The following GGN variants were observed in gnomAD, a reference collection of about 807,000 sequenced individuals.
GGN encodes gametogenetin.
GGN carries 27 observed loss-of-function variants against 35.5 expected under a neutral mutation model. The observed-to-expected ratio is 0.76, with a 90% CI of 0.56 to 1.05. The LOEUF is 1.05. Ranked by LOEUF, GGN falls within the 50% of genes least tolerant of loss-of-function variation. The pLI, the probability that GGN is intolerant of heterozygous loss-of-function variation, is 0.00. For synonymous variants in GGN, 425 were observed against 444.1 expected, an observed-to-expected ratio of 0.96 and a Z score of 0.54; for missense variants, 1,006 against 940.7, an observed-to-expected ratio of 1.07 and a Z score of -0.91.
rs776710394 is a variant in GGN, at chr19:38,385,507, G to A, written c.1755C>T (p.Pro585=). The A allele has an allele frequency of 3.7e-6, 6 of 1,614,114 alleles. No individual in the cohort carries two copies. Among genetic ancestry groups the A allele is most frequent in the Admixed American group, 3.3e-5 (2 of 60,022 alleles). ...ANTRAARHWL[P]FQVLNSCPCK... ...AGGGACAGGAGTTAAGCACCTGGAA[G>A]GGCAGCCAGTGGCGCGCAGCGCGGG... Residue 585 remains proline, a synonymous_variant, in exon 3 of 4, where the codon CCC becomes CCT. Coordinates refer to ENST00000334928, the MANE Select transcript of GGN (RefSeq NM_152657.4).
At position 38,386,740 on chromosome 19, in the gene GGN, T is replaced by G; in HGVS notation, c.522A>C (p.Pro174=). The change falls in exon 3 of 4, where the codon CCA becomes CCC. Residue 174 remains proline, a synonymous_variant. Transcript: ENST00000334928. ...GCTGCCGTTCAGAAGGTAATGGTGG[T>G]GGCGGCTTCCAAGTCTCCAGGGGCG... ...FPPPLETWKP[P]PPLPSERQPA... 1 of 1,609,146 alleles carries G rather than the reference T, an allele frequency of 6.2e-7. No homozygotes were observed. The highest frequency in any genetic ancestry group is 8.5e-7 in the Non-Finnish European group (1 of 1,176,730).
In GGN at chr19:38,387,341, C is replaced by G. The variant is rs567607546; in HGVS notation, c.-19-61G>C. ...GGCCGTGGGGACCCTACGAGGCTGG[C>G]TGTACTTGATCTAATGCGTCCGCAC... On this transcript the variant is annotated intron_variant, in intron 2 of 3. Coordinates refer to ENST00000334928, the MANE Select transcript of GGN (RefSeq NM_152657.4). This position sits in a 1 kb window ranked among gnomAD's most constrained non-coding sequence, Gnocchi z 5.3. The G allele has an allele frequency of 1.4e-5, 21 of 1,479,316 alleles. No individual in the cohort carries two copies. The African/African-American group carries it at 2.8e-4, about 20-fold the overall frequency. 91.6% of individuals were successfully genotyped at this position (1,479,316 alleles called of 1,614,324 possible).
In GGN at chr19:38,384,534, T is replaced by G. The variant is rs1970678490; in HGVS notation, c.1842-5A>C. 1 of 1,611,282 alleles carries G rather than the reference T, an allele frequency of 6.2e-7. No homozygotes were observed. On this transcript the variant is annotated splice_region_variant and splice_polypyrimidine_tract_variant and intron_variant, in intron 3 of 3. Coordinates refer to ENST00000334928, the MANE Select transcript of GGN (RefSeq NM_152657.4). ...TGGTTGGTGGATGTGCTCAGCCTAG[T>G]GGGGGAGGGTAGAGTCAGCAAAGCC...
chr19:38,385,528 G>T lies in GGN; in HGVS notation c.1734C>A (p.Arg578=), dbSNP rs145112886. The change falls in exon 3 of 4, where the codon CGC becomes CGA. Residue 578 remains arginine (R), a synonymous_variant. Coordinates refer to ENST00000334928, the MANE Select transcript of GGN (RefSeq NM_152657.4). ...GASQTGAANT[R]AARHWLPFQV... is the part of the protein sequence containing the mutation. ...GGAAGGGCAGCCAGTGGCGCGCAGC[G>T]CGGGTGTTAGCTGCCCCAGTCTGAG... 7 of 1,613,982 alleles carry T rather than the reference G, an allele frequency of 4.3e-6. No individual in the cohort carries two copies. In the African/African-American group the frequency reaches 8.0e-5, roughly 18 times the overall value.
In GGN at chr19:38,386,845, G is replaced by A. The variant is rs549095579; in HGVS notation, c.417C>T (p.Leu139=). 3.7e-6 allele frequency: 6 copies of A among 1,603,166 alleles called. No individual in the cohort carries two copies. The highest frequency in any genetic ancestry group is 1.3e-5 in the African/African-American group (1 of 74,756). Residue 139 remains leucine, a synonymous_variant, in exon 3 of 4, where the codon CTC becomes CTT. Coordinates refer to ENST00000334928, the MANE Select transcript of GGN (RefSeq NM_152657.4). ...GCGGCGGCGGCGGCTTCAGCGGGCG[G>A]AGGCTCGGAGGGTCGCCCTGGCCGC... ...SHRGQGDPPS[L]RPLKPPPPPR...
rs765961742 is a variant in GGN at position 38,386,551 on chromosome 19, G to C, written c.711C>G (p.Ser237=). 6.2e-7 allele frequency: 1 copy of C among 1,613,406 alleles called. No individual in the cohort carries two copies. The highest frequency in any genetic ancestry group is 1.7e-5 in the Admixed American group (1 of 60,008). Residue 237 remains serine, a synonymous_variant, in exon 3 of 4, where the codon TCC becomes TCG. Transcript: ENST00000334928. The stretch of plus-strand genomic sequence containing the variant: ...TGATTTTACACAGCAGGCTCAGACC[G>C]GACTCGGAATCCGCAGGCTGGGCCA... ...GEMAQPADSE[S]GLSLLCKITF...
rs748914336 is a variant in GGN at position 38,386,898 on chromosome 19, T to A, written c.364A>T (p.Ile122Phe). 4 of 1,566,024 alleles carry A rather than the reference T, an allele frequency of 2.6e-6. No individual in the cohort carries two copies. The South Asian group carries it at 3.5e-5, about 14-fold the overall frequency. The change falls in exon 3 of 4, where the codon ATC becomes TTC. Residue 122 changes from isoleucine to phenylalanine, a missense_variant. Transcript: ENST00000334928. ...QKPAGTPVPR[I>F]RRLLEASHRG... is the part of the protein sequence containing the mutation. ...TGGCTCGCCTCCAGCAGGCGGCGGA[T>A]CCGGGGAACTGGAGTGCCCGCGGGC...
chr19:38,385,971 G>A lies in GGN; in HGVS notation c.1291C>T (p.Pro431Ser), dbSNP rs375331880. Reference sequence around the variant, plus strand: ...GGTGGTAACTCCTGCAGGCCTGGAGGCCCCGGGCGCATGGGCTCGCCATTG... The same window carrying A: ...GGTGGTAACTCCTGCAGGCCTGGAGACCCCGGGCGCATGGGCTCGCCATTG... ...PTNGEPMRPG[P>S]PGLQELPPLP... Residue 431 changes from proline (P) to serine (S), a missense_variant, in exon 3 of 4, where the codon CCT becomes TCT. Coordinates refer to ENST00000334928, the MANE Select transcript of GGN (RefSeq NM_152657.4). 1.2e-5 allele frequency: 19 copies of A among 1,604,294 alleles called. No individual in the cohort carries two copies. Among genetic ancestry groups the A allele is most frequent in the Middle Eastern group, 1.7e-4 (1 of 5,838 alleles).
In GGN at chr19:38,386,713, C is replaced by A. The variant is rs754057591; in HGVS notation, c.549G>T (p.Pro183=). 1.2e-6 allele frequency: 2 copies of A among 1,606,130 alleles called. No homozygotes were observed. Among genetic ancestry groups the A allele is most frequent in the South Asian group, 1.1e-5 (1 of 90,528 alleles). Residue 183 remains proline (P), a synonymous_variant, in exon 3 of 4, where the codon CCG becomes CCT. Coordinates refer to ENST00000334928, the MANE Select transcript of GGN (RefSeq NM_152657.4). ...PPPPLPSERQ[P]ADRRITPALA... is the part of the protein sequence containing the mutation. ...GAGCAGGAGTGATTCTGCGGTCCGC[C>A]GGCTGCCGTTCAGAAGGTAATGGTG...
At chr19:38,384,558 C>A (rs1433767466) in intron 3 of GGN, 29 bp from the exon 4 acceptor site, 1 of 1,546,994 alleles carries the variant, frequency 6.5e-7, no homozygotes. Context: ...GTCAGCAAAG[C>A]CCAGCAATGG....
chr19:38,385,546 A>C lies in GGN; in HGVS notation c.1716T>G (p.Thr572=). The stretch of plus-strand genomic sequence containing the variant: ...GCGCAGCGCGGGTGTTAGCTGCCCC[A>C]GTCTGAGAGGCCCCGCTGCCACCAC... ...GGGGGSGASQ[T]GAANTRAARH... is the part of the protein sequence containing the mutation. The change falls in exon 3 of 4, where the codon ACT becomes ACG. Residue 572 remains threonine, a synonymous_variant. Transcript: ENST00000334928. The C allele has an allele frequency of 3.1e-6, 5 of 1,614,074 alleles. No homozygotes were observed. Among genetic ancestry groups the C allele is most frequent in the South Asian group, 1.1e-5 (1 of 91,078 alleles).
In GGN at chr19:38,386,601, G is replaced by A. The variant is rs1415988356; in HGVS notation, c.661C>T (p.Pro221Ser). Residue 221 changes from proline (P) to serine (S), a missense_variant, in exon 3 of 4, where the codon CCT becomes TCT. Pro to Ser is a moderately conservative substitution (Grantham distance 74). Coordinates refer to ENST00000334928, the MANE Select transcript of GGN (RefSeq NM_152657.4). ...ATTTCGCCTTCGCCCGCATGGGGAG[G>A]CGCCCCTCCGCGAGCCCTGCCGGCC... ...QTAGRARGGA[P>S]PHAGEGEMAQ... 6.2e-7 allele frequency: 1 copy of A among 1,612,814 alleles called. No individual in the cohort carries two copies. Among genetic ancestry groups the A allele is most frequent in the African/African-American group, 1.3e-5 (1 of 75,062 alleles).
In GGN at chr19:38,385,892, G is replaced by A. The variant is rs563318651; in HGVS notation, c.1370C>T (p.Thr457Met). The change falls in exon 3 of 4, where the codon ACG becomes ATG. Residue 457 changes from threonine to methionine, a missense_variant. Thr to Met is a moderately conservative substitution (Grantham distance 81, BLOSUM62 -1). Coordinates refer to ENST00000334928, the MANE Select transcript of GGN (RefSeq NM_152657.4). ...PTLQPPALQPTPLPVAPPLTP... is the reference protein window; with the variant it reads ...PTLQPPALQPMPLPVAPPLTP... ...GAGCGGGGGAGCCACCGGCAGCGGC[G>A]TTGGCTGGAGCGCTGGTGGCTGCAG... The A allele has an allele frequency of 1.0e-5, 16 of 1,556,546 alleles. No homozygotes were observed. The African/African-American group carries it at 1.5e-4, about 15-fold the overall frequency.
At position 38,386,943 on chromosome 19, in the gene GGN, C is replaced by T. The variant is rs1483921063; in HGVS notation, c.319G>A (p.Gly107Ser). 6.5e-7 allele frequency: 1 copy of T among 1,542,480 alleles called. No individual in the cohort carries two copies. ...GCGGGCTTTTGCCATTTAGACGGGC[C>T]GGGCAGCAGAGTCCCCGCGGGGGCC... ...PPAPAGTLLP[G>S]PSKWQKPAGT... Residue 107 changes from glycine to serine, a missense_variant, in exon 3 of 4, where the codon GGC (glycine) becomes AGC (serine). By Grantham distance (56) the Gly-to-Ser change is moderately conservative. Coordinates refer to ENST00000334928, the MANE Select transcript of GGN (RefSeq NM_152657.4).
chr19:38,387,023 G>C lies in GGN; in HGVS notation c.239C>G (p.Pro80Arg). ...TTCAGGAGGGGGCATCACTGGAGAGGGCCGTTCTAAGGTGAGGGGCAGGGT... is the reference window on the plus strand; with the variant it reads ...TTCAGGAGGGGGCATCACTGGAGAGCGCCGTTCTAAGGTGAGGGGCAGGGT... Reference protein sequence around the residue: ...PSTLPLTLERPSPVMPPPEEA... With the variant: ...PSTLPLTLERRSPVMPPPEEA... The change falls in exon 3 of 4, where the codon CCC becomes CGC. Residue 80 changes from proline to arginine, a missense_variant. Pro to Arg is a moderately radical substitution (Grantham distance 103, BLOSUM62 -2). Transcript: ENST00000334928. This position sits in a 1 kb window ranked among gnomAD's most constrained non-coding sequence, Gnocchi z 5.3. 6.5e-7 allele frequency: 1 copy of C among 1,548,968 alleles called. No individual in the cohort carries two copies. Among genetic ancestry groups the C allele is most frequent in the Non-Finnish European group, 8.7e-7 (1 of 1,145,884 alleles).
Position 38,385,908 on chromosome 19 carries a change from GTGGCTGCAGTGT to G in GGN, c.1342_1353del (p.Thr448_Pro451del). The G allele has an allele frequency of 1.3e-6, 2 of 1,565,756 alleles. No individual in the cohort carries two copies. The highest frequency in any genetic ancestry group is 1.7e-6 in the Non-Finnish European group (2 of 1,157,506). The stretch of plus-strand genomic sequence containing the variant: ...GGCAGCGGCGTTGGCTGGAGCGCTG[GTGGCTGCAGTGT>G]GGGCGGCGGTGTGGGCGGTGGCAGC... On this transcript the variant is annotated inframe_deletion, in exon 3 of 4. Transcript: ENST00000334928.
At position 38,387,517 on chromosome 19, in the gene GGN, G is replaced by T. The variant is rs1600508705; in HGVS notation, c.-19-237C>A. 6.6e-6 allele frequency among the ~76,000 whole-genome samples: 1 copy of T among 152,080 alleles called. No homozygotes were observed. The highest frequency in any genetic ancestry group is 2.4e-5 in the African/African-American group (1 of 41,400). ...CACTACCAGCCCCATTATGTACTAAGGTTCCATGCCTGTCCCCTTGGCTGG... is the reference window on the plus strand; with the variant it reads ...CACTACCAGCCCCATTATGTACTAATGTTCCATGCCTGTCCCCTTGGCTGG... On this transcript the variant is annotated intron_variant, in intron 2 of 3. Transcript: ENST00000334928. The surrounding 1 kb of genome is among the most constrained non-coding windows in gnomAD (Gnocchi z 5.3).
Position 38,386,426 on chromosome 19 carries a change from G to T in GGN, c.836C>A (p.Ala279Asp). The T allele has an allele frequency of 6.2e-7, 1 of 1,612,772 alleles. No homozygotes were observed. The highest frequency in any genetic ancestry group is 8.5e-7 in the Non-Finnish European group (1 of 1,179,942). ...CTCGGCGTAAGAGATGGCACCTGAG[G>T]CAGCAAAGAGGCCGCCGCCTCCGCC... is the stretch of plus-strand genomic sequence containing the variant. Reference protein sequence around the residue: ...GGGGGGGLFAASGAISYAEVL... With the variant: ...GGGGGGGLFADSGAISYAEVL... Residue 279 changes from alanine to aspartate, a missense_variant, in exon 3 of 4, where the codon GCC becomes GAC. Coordinates refer to ENST00000334928, the MANE Select transcript of GGN (RefSeq NM_152657.4).
intron 3 of GGN, 39 bp from the exon 4 acceptor site, chr19:38,384,568 G>T (rs770414689): frequency 2.7e-6 from 4 of 1,483,388 alleles, no homozygotes; most frequent in Non-Finnish European, 3.8e-6. Flanking sequence ...CCCAGCAATG[G>T]GACCAGGCCT....
Sources: gnomAD v4.1 joint callset for allele counts (sites outside exome capture counted in the v4.1 genomes callset) on GRCh38, gnomAD v4.1.1 for gene constraint, Gnocchi (gnomAD v3.1) non-coding constraint, MANE v1.5 for transcripts, NCBI Gene and HGNC (gene_info 2026-07-23, HGNC 2026-07-21) for gene names.